Variants in ERMP1 observed in about 807,000 individuals in gnomAD.
The protein encoded by ERMP1 is endoplasmic reticulum metallopeptidase 1, also known as Felix-ina.
ERMP1 carries 86 observed loss-of-function variants against 92.0 expected under a neutral mutation model. That is an observed-to-expected ratio of 0.93 (90% CI 0.79 to 1.12). ERMP1 has a LOEUF of 1.12. ERMP1 is among the 50% of genes most tolerant of loss of function. The pLI is 0.00. For synonymous variants in ERMP1, 530 were observed against 412.8 expected, an observed-to-expected ratio of 1.28 and a Z score of -3.44; for missense variants, 1,342 against 1,116.3, an observed-to-expected ratio of 1.20 and a Z score of -2.88.
At chr9:5,835,387 G>A (rs1347537784), upstream of ERMP1, among the ~76,000 whole-genome samples, 1 of 152,138 alleles carries the variant, frequency 6.6e-6, no homozygotes, top group African/African-American at 2.4e-5. Flanking sequence ...TAAAATGTCA[G>A]AGAGTTAAGT....
chr9:5,812,899 C>T lies in ERMP1; in HGVS notation c.1011G>A (p.Gly337=). The stretch of plus-strand genomic sequence containing the variant: ...CCATTGACAATATACCTGGAATGTT[C>T]CCAAAATCCCTGTAGATACGAAAGT... ...DTDFRIYRDF[G]NIPGIDLAFI... is the part of the protein sequence containing the mutation. The change falls in exon 5 of 15, where the codon GGG becomes GGA. Residue 337 remains glycine (G), a synonymous_variant. Transcript: ENST00000339450. 6.2e-7 allele frequency: 1 copy of T among 1,613,922 alleles called. No individual in the cohort carries two copies. The highest frequency in any genetic ancestry group is 8.5e-7 in the Non-Finnish European group (1 of 1,179,872).
At chr9:5,834,143 C>G (rs1229366865), upstream of ERMP1, among the ~76,000 whole-genome samples, 3 of 152,204 alleles carry the variant, frequency 2.0e-5, no homozygotes, top group East Asian at 3.8e-4. Context: ...TTCCAGCTCT[C>G]CAGCCACACT....
At chr9:5,803,605 T>C (rs1485788107) in intron 10 of ERMP1, among the ~76,000 whole-genome samples, 1 of 152,184 alleles carries the variant, frequency 6.6e-6, no homozygotes. Flanking sequence ...TGTGGGGGCA[T>C]TCAGTTCATA....
intron 1 of ERMP1, among the ~76,000 whole-genome samples, chr9:5,832,271 C>T (rs980304093): frequency 2.6e-5 from 4 of 152,078 alleles, no homozygotes; most frequent in Admixed American, 2.0e-4. Context: ...AGTGCACTAG[C>T]GCCTTCCAAA....
chr9:5,812,790 G>C (rs1433975422), intron 5 of ERMP1, 99 bp downstream of exon 5: 3 of 1,313,002 alleles, frequency 2.3e-6, no homozygotes, highest in East Asian at 2.3e-5. Flanking sequence ...TAAAGAATTT[G>C]ATCTCAGAAA....
chr9:5,862,104 A>C (rs1353675721), intron 5 of ERMP1, among the ~76,000 whole-genome samples: 1 of 152,130 alleles, frequency 6.6e-6, no homozygotes, highest in Non-Finnish European at 1.5e-5. Context: ...ATCATGGCTC[A>C]CTGCGGCCTC....
chr9:5,810,780 CTT>C (rs1439936451), intron 7 of ERMP1, among the ~76,000 whole-genome samples: 2 of 152,078 alleles, frequency 1.3e-5, no homozygotes, highest in Non-Finnish European at 1.5e-5. Flanking sequence ...TTCATTCATA[CTT>C]CGTGACACTG....
chr9:5,830,781 C>A lies in ERMP1; in HGVS notation c.586G>T (p.Ala196Ser), dbSNP rs765930579. ...CAATTAGCCAAGACAGCATGCTGGG[C>A]TCCATCTCTGGGTTCCAGCTTTACC... is the stretch of plus-strand genomic sequence containing the variant. ...VVVKLEPRDG[A>S]QHAVLANCHF... is the part of the protein sequence containing the mutation. The change falls in exon 2 of 15, where the codon GCC becomes TCC. Residue 196 changes from alanine (A) to serine (S), a missense_variant. Transcript: ENST00000339450. The A allele has an allele frequency of 6.2e-7, 1 of 1,614,108 alleles. No homozygotes were observed. The highest frequency in any genetic ancestry group is 2.2e-5 in the East Asian group (1 of 44,882).
chr9:5,804,961 C>T (rs1034668471), intron 10 of ERMP1, 66 bp downstream of exon 10: 1 of 1,239,334 alleles, frequency 8.1e-7, no homozygotes, highest in African/African-American at 1.6e-5. Flanking sequence ...TTCACAGAAT[C>T]TAGTATGGCT....
At chr9:5,835,598 G>C (rs1165053884), upstream of ERMP1, among the ~76,000 whole-genome samples, 1 of 152,138 alleles carries the variant, frequency 6.6e-6, no homozygotes, top group East Asian at 1.9e-4. Flanking sequence ...AGGCAACGTC[G>C]AATAAGGCAT....
intron 4 of ERMP1, among the ~76,000 whole-genome samples, chr9:5,818,472 T>C (rs1160925096): frequency 6.6e-6 from 1 of 152,152 alleles, no homozygotes; most frequent in East Asian, 1.9e-4. Flanking sequence ...TCCCAGCACT[T>C]TGGGAGGCCA....
intron 13 of ERMP1, among the ~76,000 whole-genome samples, chr9:5,790,899 A>T (rs2131199666): frequency 6.6e-6 from 1 of 152,320 alleles, no homozygotes; most frequent in East Asian, 1.9e-4. Flanking sequence ...CTTCATAGAG[A>T]TGAGGGTTAC....
In ERMP1 at chr9:5,832,867, G is replaced by A; in HGVS notation, c.161C>T (p.Pro54Leu). 2 of 1,523,650 alleles carry A rather than the reference G, an allele frequency of 1.3e-6. No homozygotes were observed. The highest frequency in any genetic ancestry group is 1.9e-5 in the Admixed American group (1 of 51,388). 94.4% of individuals were successfully genotyped at this position (1,523,650 alleles called of 1,614,324 possible). A position where few individuals can be genotyped will look rare whatever the true frequency, so the allele number is the denominator to read the frequency against. Residue 54 changes from proline to leucine, a missense_variant, in exon 1 of 15, where the codon CCC becomes CTC. Coordinates refer to ENST00000339450, the MANE Select transcript of ERMP1 (RefSeq NM_024896.3). ...SGGGRTRKRS[P>L]GGSGGASRGA... Reference sequence around the variant, plus strand: ...CCTGCTCGCGCCGCCGCTACCCCCGGGGCTCCTCTTCCGCGTCCTCCCGCC... The same window carrying A: ...CCTGCTCGCGCCGCCGCTACCCCCGAGGCTCCTCTTCCGCGTCCTCCCGCC...
At chr9:5,864,104 A>C (rs894965276) in intron 5 of ERMP1, among the ~76,000 whole-genome samples, 1 of 152,240 alleles carries the variant, frequency 6.6e-6, no homozygotes. Context: ...GCACATTTTC[A>C]CTAGTCATGA....
At chr9:5,862,870 G>T (rs865817010) in intron 5 of ERMP1, among the ~76,000 whole-genome samples, 1 of 152,170 alleles carries the variant, frequency 6.6e-6, no homozygotes, top group Non-Finnish European at 1.5e-5. Context: ...AAGACTGTGT[G>T]ACAATCCAAT....
chr9:5,852,171 A>G (rs944127617), intron 6 of ERMP1, among the ~76,000 whole-genome samples: 1 of 152,226 alleles, frequency 6.6e-6, no homozygotes, highest in African/African-American at 2.4e-5. Flanking sequence ...CAGAATCTTA[A>G]GGGTAATCAA....
intron 13 of ERMP1, among the ~76,000 whole-genome samples, chr9:5,790,719 A>T (rs189880100): frequency 1.5e-3 from 223 of 152,384 alleles, no homozygotes; most frequent in African/African-American, 5.1e-3. Flanking sequence ...TGAAGACATA[A>T]AATTGTGAAT....
intron 13 of ERMP1, among the ~76,000 whole-genome samples, chr9:5,790,346 G>A (rs916005976): frequency 6.6e-6 from 1 of 151,880 alleles, no homozygotes; most frequent in East Asian, 1.9e-4. Context: ...ATGTTTTAAA[G>A]AGCATAGAAG....
At chr9:5,839,609 T>C (rs1830134449) in intron 6 of ERMP1, among the ~76,000 whole-genome samples, 1 of 152,220 alleles carries the variant, frequency 6.6e-6, no homozygotes, top group Non-Finnish European at 1.5e-5. Flanking sequence ...TGTGCGCACC[T>C]GGAGACCCCC....
Sources: gnomAD v4.1 joint callset for allele counts (sites outside exome capture counted in the v4.1 genomes callset) on GRCh38, gnomAD v4.1.1 for gene constraint, MANE v1.5 for transcripts, NCBI Gene and HGNC (gene_info 2026-07-23, HGNC 2026-07-21) for gene names.